The following EYS variants were observed in gnomAD, a reference collection of about 807,000 sequenced individuals.
EYS encodes EGF-like photoreceptor maintenance factor.
In EYS, 250 loss-of-function variants were observed where a neutral mutation model predicts 282.1. The ratio of observed to expected loss-of-function variants is 0.89; its 90% confidence interval spans 0.80 to 0.98. The LOEUF is 0.98. Among genes scored for constraint, EYS ranks in the 50% least tolerant of loss-of-function variants. EYS has a pLI of 0.00. For synonymous variants in EYS, 1,355 were observed against 1,282.9 expected, an observed-to-expected ratio of 1.06 and a Z score of -1.20; for missense variants, 4,016 against 3,709.0, an observed-to-expected ratio of 1.08 and a Z score of -2.15.
intron 28 of EYS, among the ~76,000 whole-genome samples, chr6:64,392,018 A>G (rs1238024680): frequency 6.6e-6 from 1 of 151,940 alleles, no homozygotes; most frequent in Non-Finnish European, 1.5e-5. Flanking sequence ...AAACATCAAA[A>G]GAGACAAAGA....
At chr6:65,281,909 A>C (rs897922376) in intron 12 of EYS, among the ~76,000 whole-genome samples, 7 of 152,116 alleles carry the variant, frequency 4.6e-5, no homozygotes, top group Non-Finnish European at 1.0e-4. Context: ...ATATTTAAAC[A>C]GTACATCTAT....
At chr6:65,192,330 T>TGTGTGTGTGTG (rs1765663085) in intron 12 of EYS, among the ~76,000 whole-genome samples, 1 of 148,638 alleles carries the variant, frequency 6.7e-6, no homozygotes, top group Admixed American at 6.8e-5. Context: ...TGTGTGTGTA[T>TGTGTGTGTGTG]AATGTGTGGT....
At chr6:64,199,604 G>A (rs1053872800) in intron 31 of EYS, among the ~76,000 whole-genome samples, 2 of 152,160 alleles carry the variant, frequency 1.3e-5, no homozygotes, top group African/African-American at 4.8e-5. Context: ...GAGAGCTTCT[G>A]CACAGCAAAA....
At chr6:64,005,122 A>G (rs935049922) in intron 33 of EYS, among the ~76,000 whole-genome samples, 1 of 152,172 alleles carries the variant, frequency 6.6e-6, no homozygotes, top group Admixed American at 6.6e-5. Flanking sequence ...CCTTGCCAGC[A>G]TCTGTAATTT....
At chr6:63,859,591 G>A (rs568555176) in intron 36 of EYS, among the ~76,000 whole-genome samples, 2 of 151,312 alleles carry the variant, frequency 1.3e-5, no homozygotes, top group East Asian at 3.9e-4. Flanking sequence ...AAAAACCTGG[G>A]CTGGGCTTTA....
intron 26 of EYS, among the ~76,000 whole-genome samples, chr6:64,480,755 G>A (rs571487374): frequency 2.0e-5 from 3 of 151,772 alleles, no homozygotes; most frequent in South Asian, 2.1e-4. Flanking sequence ...GAGGTTTGTC[G>A]CTTACACAAT....
At chr6:63,835,081 T>G (rs1262246769) in intron 36 of EYS, among the ~76,000 whole-genome samples, 2 of 146,024 alleles carry the variant, frequency 1.4e-5, no homozygotes, top group African/African-American at 5.0e-5. Context: ...AGGGTTAGCA[T>G]TAAGGGATAT....
rs1482295785 is a variant in EYS at position 64,881,058 on chromosome 6, AT to A, written c.2992+5638del. 2.6e-5 allele frequency among the ~76,000 whole-genome samples: 4 copies of A among 151,718 alleles called. No individual in the cohort carries two copies. The Admixed American group carries it at 2.6e-4, about 10-fold the overall frequency. ...CTGGCCTGAATTGATGCCTGAATCA[AT>A]TCAGAATTTACTACATCTATTGAGA... is the stretch of plus-strand genomic sequence containing the variant. On this transcript the variant is annotated intron_variant, in intron 19 of 42. Transcript: ENST00000503581.
intron 7 of EYS, among the ~76,000 whole-genome samples, chr6:65,392,093 G>A (rs1429672550): frequency 2.0e-5 from 3 of 152,180 alleles, no homozygotes; most frequent in East Asian, 1.9e-4. Flanking sequence ...TTTAATAAAT[G>A]GTGCTGGGGA....
chr6:64,896,053 CAACT>C (rs1767451130), intron 18 of EYS, among the ~76,000 whole-genome samples: 1 of 151,910 alleles, frequency 6.6e-6, no homozygotes, highest in South Asian at 2.1e-4. Context: ...TCAATAAATA[CAACT>C]AACAAAGATA....
chr6:64,455,709 G>A (rs558263099), intron 26 of EYS, among the ~76,000 whole-genome samples: 2 of 152,022 alleles, frequency 1.3e-5, no homozygotes, highest in African/African-American at 2.4e-5. Context: ...GTGGTGTTTG[G>A]TTTTGTGTTC....
In EYS at chr6:64,590,276, A is replaced by T. The variant is rs888456388; in HGVS notation, c.5591T>A (p.Leu1864His). 1 of 1,550,838 alleles carries T rather than the reference A, an allele frequency of 6.4e-7. No homozygotes were observed. The highest frequency in any genetic ancestry group is 1.4e-5 in the African/African-American group (1 of 73,006). Residue 1864 changes from leucine to histidine, a missense_variant, in exon 26 of 43, where the codon CTT (leucine) becomes CAT (histidine). Leu to His is a moderately conservative substitution (Grantham distance 99). Coordinates refer to ENST00000503581, the MANE Select transcript of EYS (RefSeq NM_001142800.2). Reference protein sequence around the residue: ...ASRHLPFTRSLTLSSLESILA... With the variant: ...ASRHLPFTRSHTLSSLESILA... ...AATGGATTCCAGTGAAGACAAAGTAAGAGATCTAGTGAAGGGAAGATGCCG... is the reference window on the plus strand; with the variant it reads ...AATGGATTCCAGTGAAGACAAAGTATGAGATCTAGTGAAGGGAAGATGCCG...
chr6:64,507,400 TTAAA>T (rs1220358031), intron 26 of EYS, among the ~76,000 whole-genome samples: 1 of 152,134 alleles, frequency 6.6e-6, no homozygotes, highest in Non-Finnish European at 1.5e-5. Flanking sequence ...AAGCAATAAT[TTAAA>T]TAACTCAACA....
At chr6:65,643,537 A>T (rs147996358) in intron 1 of EYS, among the ~76,000 whole-genome samples, 58 of 152,248 alleles carry the variant, frequency 3.8e-4, no homozygotes, top group African/African-American at 1.4e-3. Flanking sequence ...TTAACCAGAC[A>T]TTCCTAGGGC....
chr6:64,364,786 C>T (rs2150410520), intron 29 of EYS, among the ~76,000 whole-genome samples: 1 of 151,922 alleles, frequency 6.6e-6, no homozygotes, highest in East Asian at 1.9e-4. Flanking sequence ...GGATGAAATA[C>T]TTCCTATTGT....
At chr6:65,440,952 T>C (rs1768298228) in intron 5 of EYS, among the ~76,000 whole-genome samples, 1 of 146,998 alleles carries the variant, frequency 6.8e-6, no homozygotes, top group Non-Finnish European at 1.5e-5. Context: ...TATATGTATA[T>C]AAATATATAT....
chr6:65,294,508 A>G (rs1389198379), intron 12 of EYS, among the ~76,000 whole-genome samples: 2 of 151,930 alleles, frequency 1.3e-5, no homozygotes, highest in African/African-American at 2.4e-5. Context: ...AATAAGTATT[A>G]TGTATATATG....
chr6:63,756,114 C>T (rs1167153111), intron 41 of EYS, among the ~76,000 whole-genome samples: 2 of 152,026 alleles, frequency 1.3e-5, no homozygotes, highest in Admixed American at 1.3e-4. Context: ...AATTGAATAC[C>T]TTTATTTCTT....
Position 64,986,230 on chromosome 6 carries a change from C to G in EYS, c.2259+11352G>C, listed in dbSNP as rs994931490. 1.6e-4 allele frequency among the ~76,000 whole-genome samples: 24 copies of G among 151,274 alleles called. 1 individual carries two copies. Reference sequence around the variant, plus strand: ...AAAGAAAAACTTTTATCAGAAGGTGCCAGGCTTATTATTCAAAGAAATCTT... The same window carrying G: ...AAAGAAAAACTTTTATCAGAAGGTGGCAGGCTTATTATTCAAAGAAATCTT... On this transcript the variant is annotated intron_variant, in intron 14 of 42. Coordinates refer to ENST00000503581, the MANE Select transcript of EYS (RefSeq NM_001142800.2).
Sources: allele counts gnomAD v4.1 joint callset (sites outside exome capture counted in the v4.1 genomes callset), GRCh38; gene constraint gnomAD v4.1.1; transcripts MANE v1.5; gene names NCBI Gene and HGNC (gene_info 2026-07-23, HGNC 2026-07-21).